The following ASIC2 variants were observed in gnomAD, a reference collection of about 807,000 sequenced individuals.
ASIC2 encodes the protein acid sensing ion channel subunit 2, also known as acid-sensing ion channel 2.
In ASIC2, 25 loss-of-function variants were observed where a neutral mutation model predicts 57.3. The ratio of observed to expected loss-of-function variants is 0.44; its 90% CI spans 0.32 to 0.61. ASIC2 has a LOEUF of 0.61. Among genes scored for constraint, ASIC2 ranks in the 20% least tolerant of loss-of-function variants. The pLI is 0.06. For synonymous variants in ASIC2, 319 were observed against 307.5 expected (o/e 1.04, Z -0.39); for missense variants, 641 against 738.1 (o/e 0.87, Z 1.52).
At chr17:33,362,060 T>C (rs141834221) in intron 1 of ASIC2, among the ~76,000 whole-genome samples, 146 of 152,326 alleles carry the variant, frequency 9.6e-4, no homozygotes, top group African/African-American at 3.5e-3. Context: ...GTAGAACTAG[T>C]TGGGAGTGGT....
Position 33,715,379 on chromosome 17 carries a change from C to T in ASIC2, c.555+440599G>A, listed in dbSNP as rs1909187562. On this transcript the variant is annotated intron_variant, in intron 1 of 9. Coordinates refer to the ASIC2 transcript ENST00000359872. ...TGTAATGACTAAATTCCCATGGGAACGTGGCTTGCTGGAGTTGTAAATCAC... is the reference window on the plus strand; with the variant it reads ...TGTAATGACTAAATTCCCATGGGAATGTGGCTTGCTGGAGTTGTAAATCAC... 2.0e-5 allele frequency among the ~76,000 whole-genome samples: 3 copies of T among 152,112 alleles called. 1 individual carries two copies. The highest frequency in any genetic ancestry group is 2.0e-4 in the Admixed American group (3 of 15,272).
intron 1 of ASIC2, among the ~76,000 whole-genome samples, chr17:33,243,085 G>A (rs1908569518): frequency 6.6e-6 from 1 of 152,178 alleles, no homozygotes; most frequent in Non-Finnish European, 1.5e-5. Context: ...CTGCATTTGA[G>A]GCAGAGATAC....
intron 1 of ASIC2, among the ~76,000 whole-genome samples, chr17:33,639,706 G>A (rs188756184): frequency 5.2e-4 from 74 of 143,478 alleles, no homozygotes; most frequent in Non-Finnish European, 9.9e-4. Flanking sequence ...AAAAGGGGTG[G>A]CATAAAAATC....
chr17:33,216,314 T>C (rs1182469818), intron 1 of ASIC2, among the ~76,000 whole-genome samples: 1 of 152,126 alleles, frequency 6.6e-6, no homozygotes, highest in Non-Finnish European at 1.5e-5. Context: ...AACGAAACCG[T>C]ATGAGGGATA....
chr17:33,157,021 G>A (rs1905024298), intron 1 of ASIC2, among the ~76,000 whole-genome samples: 1 of 152,054 alleles, frequency 6.6e-6, no homozygotes, highest in Admixed American at 6.6e-5. Flanking sequence ...TGGGAGCAGC[G>A]GGGGTCCCAG....
chr17:33,714,536 A>G (rs1290925449), intron 1 of ASIC2, among the ~76,000 whole-genome samples: 1 of 152,220 alleles, frequency 6.6e-6, no homozygotes, highest in Non-Finnish European at 1.5e-5. Flanking sequence ...TGTGTTAAAT[A>G]AAAACACACC....
At chr17:34,013,077 CTGATGGAAAGGGAGAAAATTGGATT>C (rs1200287887) in intron 1 of ASIC2, among the ~76,000 whole-genome samples, 1 of 152,146 alleles carries the variant, frequency 6.6e-6, no homozygotes, top group Admixed American at 6.5e-5. Flanking sequence ...AGAGGGGAAC[CTGATGGAAAGGGAGAAAATTGGATT>C]TGATGGAATC....
chr17:33,577,731 G>A (rs1263769698), intron 1 of ASIC2, among the ~76,000 whole-genome samples: 1 of 152,096 alleles, frequency 6.6e-6, no homozygotes. Flanking sequence ...AGATGTCCCA[G>A]ATATGACTGC....
At chr17:33,992,263 C>CT (rs758264130) in intron 1 of ASIC2, among the ~76,000 whole-genome samples, 77 of 152,278 alleles carry the variant, frequency 5.1e-4, no homozygotes, top group Non-Finnish European at 9.1e-4. Flanking sequence ...ATTATATCTT[C>CT]TCAGTGCATA....
At position 33,411,366 on chromosome 17, in the gene ASIC2, C is replaced by A. The variant is rs566017721; in HGVS notation, c.556-299299G>T. Among the ~76,000 whole-genome samples the A allele has an allele frequency of 2.6e-5, 4 of 152,234 alleles. No homozygotes were observed. In the South Asian group the frequency reaches 8.3e-4, roughly 32 times the overall value. Reference sequence around the variant, plus strand: ...AAAAGAGCTTCTCCATTTGTGAACCCCCAAATGAATATCATTGCAACTCAG... The same window carrying A: ...AAAAGAGCTTCTCCATTTGTGAACCACCAAATGAATATCATTGCAACTCAG... On this transcript the variant is annotated intron_variant, in intron 1 of 9. Coordinates refer to the ASIC2 transcript ENST00000359872.
intron 1 of ASIC2, among the ~76,000 whole-genome samples, chr17:33,852,922 A>G (rs1913813805): frequency 6.6e-6 from 1 of 152,068 alleles, no homozygotes; most frequent in Middle Eastern, 3.2e-3. Flanking sequence ...GTACCAACAC[A>G]AGCACTGCCT....
intron 1 of ASIC2, among the ~76,000 whole-genome samples, chr17:33,542,880 G>A (rs1386282862): frequency 6.6e-6 from 1 of 151,258 alleles, no homozygotes; most frequent in African/African-American, 2.4e-5. Context: ...ATGGTTTTAG[G>A]TCTAACGTTT....
intron 1 of ASIC2, among the ~76,000 whole-genome samples, chr17:33,880,842 A>G (rs956765304): frequency 3.0e-4 from 45 of 152,324 alleles, no homozygotes; most frequent in Middle Eastern, 3.4e-3. Context: ...CCTGATGAAC[A>G]TCGATGCAAA....
At chr17:33,548,504 C>G (rs1915649398) in intron 1 of ASIC2, among the ~76,000 whole-genome samples, 1 of 152,066 alleles carries the variant, frequency 6.6e-6, no homozygotes, top group African/African-American at 2.4e-5. Context: ...TCAGAGCGAG[C>G]AAATGAGGGG....
chr17:33,098,579 G>C (rs1272205541), intron 2 of ASIC2, among the ~76,000 whole-genome samples: 1 of 152,144 alleles, frequency 6.6e-6, no homozygotes, highest in Non-Finnish European at 1.5e-5. Context: ...ACCAATGGCT[G>C]GTGATCCAGG....
intron 1 of ASIC2, among the ~76,000 whole-genome samples, chr17:33,942,089 C>G (rs539858228): frequency 6.6e-6 from 1 of 152,252 alleles, no homozygotes; most frequent in South Asian, 2.1e-4. Flanking sequence ...GAAGAGACAA[C>G]AGCTGGACCA....
chr17:33,370,995 A>T (rs1475982602), intron 1 of ASIC2, among the ~76,000 whole-genome samples: 2 of 130,372 alleles, frequency 1.5e-5, no homozygotes, highest in East Asian at 4.0e-4. Flanking sequence ...GAACACGCCC[A>T]CTCTAGGTAT....
rs373911775 is a variant in ASIC2, at chr17:33,938,133, T to C, written c.555+217845A>G. On this transcript the variant is annotated intron_variant, in intron 1 of 9. Transcript: ENST00000359872. ...CTTTAAATACCTGCCTGGGGCTTCC[T>C]TTACTGAATCTTATATTTTCCTCCC... Among the ~76,000 whole-genome samples the C allele has an allele frequency of 4.8e-4, 73 of 152,346 alleles. 1 individual carries two copies. In the South Asian group the frequency reaches 0.014, roughly 30 times the overall value.
At chr17:33,481,391 C>T (rs1359717071) in intron 1 of ASIC2, among the ~76,000 whole-genome samples, 2 of 152,220 alleles carry the variant, frequency 1.3e-5, no homozygotes, top group Non-Finnish European at 2.9e-5. Flanking sequence ...ACTCCCTTAA[C>T]TGCCTGGCAC....
Sources: allele counts gnomAD v4.1 joint callset (sites outside exome capture counted in the v4.1 genomes callset), GRCh38; gene constraint gnomAD v4.1.1; transcripts MANE v1.5; gene names NCBI Gene and HGNC (gene_info 2026-07-23, HGNC 2026-07-21).